FYN: variants seen among roughly 807,000 people sequenced by gnomAD.
The protein encoded by FYN is tyrosine-protein kinase Fyn.
A neutral mutation model predicts 70.2 loss-of-function variants in FYN; 10 were observed. The observed-to-expected ratio is 0.14, with a 90% CI of 0.09 to 0.24. The LOEUF is 0.24. FYN is among the 10% of genes least tolerant of loss of function. The probability of loss-of-function intolerance (pLI) is 1.00; values close to 1 mark genes in which losing one functional copy is unlikely to be tolerated. For missense variants in FYN, 319 were observed against 673.1 expected, an observed-to-expected ratio of 0.47 and a Z score of 5.82; for synonymous variants, 236 against 248.6, an observed-to-expected ratio of 0.95 and a Z score of 0.48.
chr6:111,860,086 C>A (rs1003015644), intron 1 of FYN, among the ~76,000 whole-genome samples: 1 of 152,066 alleles, frequency 6.6e-6, no homozygotes, highest in South Asian at 2.1e-4. Flanking sequence ...CCTTCAGGGA[C>A]TCCATAAGAA....
chr6:111,713,547 C>G (rs976498264), intron 5 of FYN, among the ~76,000 whole-genome samples: 1 of 152,016 alleles, frequency 6.6e-6, no homozygotes. Flanking sequence ...ACCCCACCCC[C>G]CCACACTTTC....
intron 2 of FYN, among the ~76,000 whole-genome samples, chr6:111,808,527 C>G (rs1403137133): frequency 1.3e-5 from 2 of 152,202 alleles, no homozygotes; most frequent in Non-Finnish European, 2.9e-5. Context: ...CCTCCCTCTT[C>G]TCCCTCCCTC....
In FYN at chr6:111,714,329, C is replaced by T; in HGVS notation, c.344+18G>A. On this transcript the variant is annotated intron_variant, in intron 5 of 13. Coordinates refer to ENST00000354650, the MANE Select transcript of FYN (RefSeq NM_002037.5). ...AACCTGAAAGGTATACATGCTTCTC[C>T]TCCCTCTCCAAACTTACGAGCTGTT... 1.3e-6 allele frequency: 2 copies of T among 1,562,080 alleles called. No homozygotes were observed. Among genetic ancestry groups the T allele is most frequent in the Non-Finnish European group, 1.8e-6 (2 of 1,132,894 alleles).
Position 111,723,875 on chromosome 6 carries a change from T to TGAATGTG in FYN, c.-11-3820_-11-3814dup, listed in dbSNP as rs1195749625. 4.3e-4 allele frequency among the ~76,000 whole-genome samples: 65 copies of TGAATGTG among 152,304 alleles called. 1 individual carries two copies. Among genetic ancestry groups the TGAATGTG allele is most frequent in the Non-Finnish European group, 4.1e-4 (28 of 68,022 alleles). On this transcript the variant is annotated intron_variant, in intron 3 of 13. Transcript: ENST00000354650. The stretch of plus-strand genomic sequence containing the variant: ...CGGGAAACACTGAATGATGCCATCG[T>TGAATGTG]GAATGTGGAGCCCTGGAGTTACTCT...
In FYN at chr6:111,751,082, C is replaced by T. The variant is rs547642821; in HGVS notation, c.-12+29484G>A. Reference sequence around the variant, plus strand: ...AAGCAAAAAGAATAGTTTCTATTGGCCTTTCCTTGGCATTGTATACTTTTA... The same window carrying T: ...AAGCAAAAAGAATAGTTTCTATTGGTCTTTCCTTGGCATTGTATACTTTTA... On this transcript the variant is annotated intron_variant, in intron 3 of 13. Transcript: ENST00000354650. Among the ~76,000 whole-genome samples the T allele has an allele frequency of 1.1e-3, 173 of 152,332 alleles. 4 individuals carry two copies. In the South Asian group the frequency reaches 0.026, roughly 23 times the overall value.
At chr6:111,693,554 A>C (rs1033265950) in intron 12 of FYN, among the ~76,000 whole-genome samples, 1 of 152,202 alleles carries the variant, frequency 6.6e-6, no homozygotes, top group Non-Finnish European at 1.5e-5. Context: ...ATAGCACCTG[A>C]AAAGCTGCCC....
Position 111,851,979 on chromosome 6 carries a change from G to A in FYN, c.-122-5350C>T, listed in dbSNP as rs866841058. Among the ~76,000 whole-genome samples the A allele has an allele frequency of 8.6e-5, 13 of 151,406 alleles. No individual in the cohort carries two copies. In the South Asian group the frequency reaches 1.5e-3, roughly 17 times the overall value. The stretch of plus-strand genomic sequence containing the variant: ...AAGTGTTAGTTTACATTTTTGAAAC[G>A]CACCATGTGGCCCAACAAAACATAA... On this transcript the variant is annotated intron_variant, in intron 1 of 13. Coordinates refer to ENST00000354650, the MANE Select transcript of FYN (RefSeq NM_002037.5).
chr6:111,692,909 G>C (rs1799400877), intron 12 of FYN, among the ~76,000 whole-genome samples: 1 of 152,184 alleles, frequency 6.6e-6, no homozygotes, highest in Admixed American at 6.5e-5. Context: ...CAAAGCTGCA[G>C]TGCGCCTTTG....
At chr6:111,738,588 C>T (rs922937705) in intron 3 of FYN, among the ~76,000 whole-genome samples, 2 of 152,206 alleles carry the variant, frequency 1.3e-5, no homozygotes, top group East Asian at 3.9e-4. Context: ...TCACCAGCTG[C>T]CTGCTCTTCC....
At chr6:111,672,318 C>T (rs1055661350) in intron 13 of FYN, among the ~76,000 whole-genome samples, 4 of 152,266 alleles carry the variant, frequency 2.6e-5, no homozygotes, top group African/African-American at 9.6e-5. Flanking sequence ...CACTCCTCCA[C>T]AGCTAGAGGC....
intron 3 of FYN, among the ~76,000 whole-genome samples, chr6:111,754,133 T>C (rs1335466614): frequency 1.3e-5 from 2 of 152,262 alleles, no homozygotes; most frequent in African/African-American, 4.8e-5. Context: ...AGGACAATAC[T>C]GTTCCTCTAT....
At chr6:111,808,067 C>T (rs1265823695) in intron 2 of FYN, among the ~76,000 whole-genome samples, 1 of 151,940 alleles carries the variant, frequency 6.6e-6, no homozygotes, top group Non-Finnish European at 1.5e-5. Flanking sequence ...GAGGCTGCAC[C>T]ATTGTACTCC....
intron 1 of FYN, among the ~76,000 whole-genome samples, chr6:111,872,642 C>G (rs1383657663): frequency 1.3e-5 from 2 of 152,102 alleles, no homozygotes; most frequent in Non-Finnish European, 2.9e-5. Flanking sequence ...CCGCGGGGGG[C>G]CCCAAAAGGA....
chr6:111,823,542 C>T (rs1379864010), intron 2 of FYN, among the ~76,000 whole-genome samples: 1 of 152,118 alleles, frequency 6.6e-6, no homozygotes, highest in Admixed American at 6.5e-5. Flanking sequence ...AGAATGGAAG[C>T]TTTTCACATG....
At chr6:111,676,082 T>A (rs984108609) in intron 12 of FYN, among the ~76,000 whole-genome samples, 4 of 152,174 alleles carry the variant, frequency 2.6e-5, no homozygotes, top group Non-Finnish European at 5.9e-5. Flanking sequence ...AAAGTCACTA[T>A]GTACAAAAGT....
At chr6:111,734,700 C>A (rs1429061172) in intron 3 of FYN, among the ~76,000 whole-genome samples, 1 of 152,102 alleles carries the variant, frequency 6.6e-6, no homozygotes. Flanking sequence ...AAACGACCCC[C>A]CCTACCCCAA....
intron 9 of FYN, 54 bp downstream of exon 9, chr6:111,700,050 T>C: frequency 2.6e-6 from 4 of 1,543,456 alleles, no homozygotes; most frequent in South Asian, 1.2e-5. Flanking sequence ...TCTTTGGTGT[T>C]TGGGATCTTC....
At chr6:111,871,689 AC>A (rs1459150732) in intron 1 of FYN, among the ~76,000 whole-genome samples, 2 of 152,110 alleles carry the variant, frequency 1.3e-5, no homozygotes, top group Non-Finnish European at 2.9e-5. Context: ...AATTCTTGTG[AC>A]CCCCACACCA....
At chr6:111,762,616 C>G (rs1487176180) in intron 3 of FYN, among the ~76,000 whole-genome samples, 1 of 152,090 alleles carries the variant, frequency 6.6e-6, no homozygotes, top group African/African-American at 2.4e-5. Context: ...AAAAGGAAAT[C>G]AAAGTATTTT....
Sources: allele counts gnomAD v4.1 joint callset (sites outside exome capture counted in the v4.1 genomes callset), GRCh38; gene constraint gnomAD v4.1.1; transcripts MANE v1.5; gene names NCBI Gene and HGNC (gene_info 2026-07-23, HGNC 2026-07-21).